ARMH3: variants seen among roughly 807,000 people sequenced by gnomAD.
ARMH3 encodes the protein armadillo-like helical domain-containing protein 3.
In ARMH3, 60 loss-of-function variants were observed where a neutral mutation model predicts 99.1. The ratio of observed to expected loss-of-function variants is 0.61; its 90% CI spans 0.49 to 0.75. The LOEUF is 0.75. Ranked by LOEUF, ARMH3 falls within the 30% of genes least tolerant of loss-of-function variation. The probability of loss-of-function intolerance (pLI) is 0.00; values close to 1 mark genes in which losing one functional copy is unlikely to be tolerated. For missense variants in ARMH3, 679 were observed against 843.1 expected (o/e 0.81, Z 2.41); for synonymous variants, 285 against 292.8 (o/e 0.97, Z 0.27).
chr10:102,033,065 C>T lies in ARMH3; in HGVS notation c.267G>A (p.Leu89=). 4 of 1,614,192 alleles carry T rather than the reference C, an allele frequency of 2.5e-6. No homozygotes were observed. The highest frequency in any genetic ancestry group is 3.4e-6 in the Non-Finnish European group (4 of 1,180,042). Residue 89 remains leucine (L), a synonymous_variant, in exon 4 of 26, where the codon CTG becomes CTA. Transcript: ENST00000370033. ...CAACCCGAATTGGATGCTCCTCTCC[C>T]AGAGCCTGGATGCAGTGTTGGAATA... is the stretch of plus-strand genomic sequence containing the variant. The part of the protein sequence containing the change: ...NCLFQHCIQA[L]GEEHPIRVVN...
At chr10:102,031,881 G>C (rs1011574281) in intron 4 of ARMH3, among the ~76,000 whole-genome samples, 3 of 152,172 alleles carry the variant, frequency 2.0e-5, no homozygotes, top group Admixed American at 2.0e-4. Flanking sequence ...TGGGATTACA[G>C]GCATGCGCCA....
rs1429050897 is a variant in ARMH3 at position 101,864,106 on chromosome 10, C to CAA, written c.1861-14216_1861-14215dup. Among the ~76,000 whole-genome samples the CAA allele has an allele frequency of 1.3e-4, 18 of 143,488 alleles. No individual in the cohort carries two copies. In the East Asian group the frequency reaches 2.8e-3, roughly 22 times the overall value. 94.1% of individuals were successfully genotyped at this position (143,488 alleles called of 152,430 possible). A position where few individuals can be genotyped will look rare whatever the true frequency, so the allele number is the denominator to read the frequency against. On this transcript the variant is annotated intron_variant, in intron 24 of 25. Coordinates refer to ENST00000370033, the MANE Select transcript of ARMH3 (RefSeq NM_024541.3). Reference sequence around the variant, plus strand: ...ACACACACACACACACACACACACACAAAAACCAGACAATTCTCAAAAGAA... The same window carrying CAA: ...ACACACACACACACACACACACACACAAAAAAACCAGACAATTCTCAAAAGAA...
chr10:101,895,212 T>C (rs1280566164), intron 23 of ARMH3, among the ~76,000 whole-genome samples: 1 of 151,790 alleles, frequency 6.6e-6, no homozygotes, highest in Non-Finnish European at 1.5e-5. Flanking sequence ...CCCTTCCTTA[T>C]ACCACACATA....
intron 1 of ARMH3, among the ~76,000 whole-genome samples, chr10:102,055,613 G>A (rs902393202): frequency 3.3e-5 from 5 of 152,172 alleles, no homozygotes; most frequent in African/African-American, 7.2e-5. Context: ...GCCTGGAGAG[G>A]GACAGGACTG....
intron 13 of ARMH3, among the ~76,000 whole-genome samples, chr10:102,008,973 T>C (rs552485775): frequency 3.3e-5 from 5 of 152,316 alleles, no homozygotes; most frequent in Admixed American, 6.5e-5. Flanking sequence ...CTCTGGAAAT[T>C]GGTGAGATAA....
chr10:102,053,450 G>A (rs148858707), intron 1 of ARMH3, among the ~76,000 whole-genome samples: 357 of 151,954 alleles, frequency 2.3e-3, no homozygotes, highest in African/African-American at 7.1e-3. Flanking sequence ...GAGCCAGCTC[G>A]TCTCAAACTC....
intron 20 of ARMH3, among the ~76,000 whole-genome samples, chr10:101,960,102 C>T (rs775625643): frequency 7.2e-5 from 11 of 152,058 alleles, no homozygotes; most frequent in Non-Finnish European, 1.6e-4. Context: ...TGCTTAAACC[C>T]GGGAGGCGGA....
intron 18 of ARMH3, 87 bp downstream of exon 18, chr10:101,991,882 C>T (rs1846812832): frequency 1.7e-6 from 2 of 1,189,960 alleles, no homozygotes; most frequent in South Asian, 2.6e-5. Context: ...GCGGAAGAAG[C>T]ACATCAAACA....
intron 23 of ARMH3, among the ~76,000 whole-genome samples, chr10:101,935,056 T>G (rs1590046896): frequency 6.6e-6 from 1 of 151,876 alleles, no homozygotes; most frequent in Admixed American, 6.6e-5. Flanking sequence ...TTTACTGTGC[T>G]GCAGTTCACC....
chr10:101,866,247 T>C (rs1349388070), intron 24 of ARMH3, among the ~76,000 whole-genome samples: 1 of 151,724 alleles, frequency 6.6e-6, no homozygotes, highest in Non-Finnish European at 1.5e-5. Flanking sequence ...AAAAGCTATC[T>C]TTCGCAGTTC....
At chr10:101,952,853 T>C (rs902182248) in intron 22 of ARMH3, 4 of 152,244 alleles carry the variant, frequency 2.6e-5, no homozygotes, top group African/African-American at 9.6e-5. Context: ...CCCCTGGTAA[T>C]CATCATCCTA....
At chr10:101,965,469 G>C (rs1046739874) in intron 20 of ARMH3, among the ~76,000 whole-genome samples, 1 of 152,210 alleles carries the variant, frequency 6.6e-6, no homozygotes, top group Non-Finnish European at 1.5e-5. Context: ...AGGCAACACT[G>C]TGGCAATCTT....
chr10:101,979,485 G>C (rs1846141998), intron 19 of ARMH3, among the ~76,000 whole-genome samples: 1 of 150,866 alleles, frequency 6.6e-6, no homozygotes, highest in South Asian at 2.1e-4. Context: ...GCCTGAGGGA[G>C]AGGACAGAGG....
At position 101,847,488 on chromosome 10, in the gene ARMH3, T is replaced by C. The variant is rs1451037272; in HGVS notation, c.*40A>G. 6.4e-7 allele frequency: 1 copy of C among 1,557,556 alleles called. No individual in the cohort carries two copies. On this transcript the variant is annotated 3_prime_UTR_variant, in exon 26 of 26. Transcript: ENST00000370033. ...CTCCCCCTCCAGCCCATGATCCTCATGGGTAAGGGCAGTCAGAGGCTGCTC... is the reference window on the plus strand; with the variant it reads ...CTCCCCCTCCAGCCCATGATCCTCACGGGTAAGGGCAGTCAGAGGCTGCTC...
At chr10:101,932,834 T>C (rs1415046826) in intron 23 of ARMH3, among the ~76,000 whole-genome samples, 1 of 152,190 alleles carries the variant, frequency 6.6e-6, no homozygotes, top group African/African-American at 2.4e-5. Flanking sequence ...TGGAGATGGA[T>C]GTTGGTGATG....
intron 24 of ARMH3, among the ~76,000 whole-genome samples, chr10:101,877,017 A>G (rs1239164978): frequency 2.0e-5 from 3 of 151,896 alleles, no homozygotes. Flanking sequence ...AGACCAACCT[A>G]GGCAACATAA....
chr10:101,988,421 C>G (rs1397766784), intron 19 of ARMH3, among the ~76,000 whole-genome samples: 1 of 151,992 alleles, frequency 6.6e-6, no homozygotes, highest in East Asian at 1.9e-4. Flanking sequence ...GTTCAGGGAC[C>G]CCAGCTAAAA....
At chr10:101,901,700 G>GGGTT (rs1428272726) in intron 23 of ARMH3, among the ~76,000 whole-genome samples, 3 of 152,158 alleles carry the variant, frequency 2.0e-5, no homozygotes, top group Non-Finnish European at 4.4e-5. Flanking sequence ...GCAGGTGGTA[G>GGGTT]GGTTGGCTAC....
chr10:101,965,990 T>C (rs1009860043), intron 20 of ARMH3, among the ~76,000 whole-genome samples: 2 of 152,034 alleles, frequency 1.3e-5, no homozygotes, highest in Non-Finnish European at 2.9e-5. Flanking sequence ...TATAGAAGAG[T>C]GTACAGGTTC....
Sources: allele counts gnomAD v4.1 joint callset (sites outside exome capture counted in the v4.1 genomes callset), GRCh38; gene constraint gnomAD v4.1.1; transcripts MANE v1.5; gene names NCBI Gene and HGNC (gene_info 2026-07-23, HGNC 2026-07-21).